Variants in ZNF16 observed in about 807,000 individuals in gnomAD.
ZNF16 encodes the protein zinc finger protein 16.
A neutral mutation model predicts 9.0 loss-of-function variants in ZNF16; 7 were observed. That is an observed-to-expected ratio of 0.78 (90% CI 0.44 to 1.47). ZNF16 has a LOEUF of 1.47. Among genes scored for constraint, ZNF16 ranks in the 40% most tolerant of loss-of-function variants. The pLI is 0.01. For missense variants in ZNF16, 830 were observed against 854.2 expected (o/e 0.97, Z 0.35); for synonymous variants, 312 against 301.5 (o/e 1.03, Z -0.36).
chr8:144,931,709 G>T lies in ZNF16; in HGVS notation c.1078C>A (p.Arg360=), dbSNP rs779402703. ...VCSECGKAFR[R]SSNLIKHHRT... The stretch of plus-strand genomic sequence containing the variant: ...TGGTGTTTGATGAGGTTTGAGCTTC[G>T]CCTGAAGGCCTTCCCACACTCACTG... Residue 360 remains arginine, a synonymous_variant, in exon 3 of 3, where the codon CGA becomes AGA. Coordinates refer to ENST00000394909, the MANE Select transcript of ZNF16 (RefSeq NM_006958.3). The T allele has an allele frequency of 3.0e-5, 48 of 1,613,866 alleles. 3 individuals carry two copies. The South Asian group carries it at 5.3e-4, about 18-fold the overall frequency.
intron 1 of ZNF16, among the ~76,000 whole-genome samples, chr8:144,947,174 C>G (rs1219141431): frequency 3.2e-5 from 4 of 124,444 alleles, no homozygotes; most frequent in African/African-American, 6.7e-5. Context: ...CTGCTGTGGG[C>G]CTGTGTCCTG....
rs1009090614 is a variant in ZNF16, at chr8:144,932,662, T to G, written c.197-72A>C. ...GAGCAGGAACATAGACAGTCACAGT[T>G]GCACCCACTAACTGTGGAGGAGGCA... On this transcript the variant is annotated intron_variant, in intron 2 of 2. Coordinates refer to ENST00000394909, the MANE Select transcript of ZNF16 (RefSeq NM_006958.3). This position sits in a 1 kb window ranked among gnomAD's most constrained non-coding sequence, Gnocchi z 5.0. The G allele has an allele frequency of 6.6e-7, 1 of 1,518,856 alleles. No homozygotes were observed. Among genetic ancestry groups the G allele is most frequent in the Non-Finnish European group, 8.9e-7 (1 of 1,119,746 alleles). 94.1% of individuals were successfully genotyped at this position (1,518,856 alleles called of 1,614,324 possible). A position where few individuals can be genotyped will look rare whatever the true frequency, so the allele number is the denominator to read the frequency against.
intron 2 of ZNF16, among the ~76,000 whole-genome samples, chr8:144,936,440 T>C (rs1272709210): frequency 6.6e-6 from 1 of 152,218 alleles, no homozygotes; most frequent in Admixed American, 6.5e-5. Flanking sequence ...GGAGTAGTAC[T>C]ATGTTCAAAC....
chr8:144,946,720 GCCCGTACCCTGCTGTGGGC>G (rs1833952354), intron 1 of ZNF16, among the ~76,000 whole-genome samples: 1 of 110,142 alleles, frequency 9.1e-6, no homozygotes, highest in African/African-American at 3.7e-5. Flanking sequence ...CTGCTGTGGG[GCCCGTACCCTGCTGTGGGC>G]CATACCCTTC....
intron 1 of ZNF16, among the ~76,000 whole-genome samples, chr8:144,950,139 G>A (rs1019806082): frequency 3.9e-5 from 6 of 152,028 alleles, no homozygotes; most frequent in Non-Finnish European, 7.3e-5. Context: ...TGCCCATCCA[G>A]GCATAGTACC....
At chr8:144,935,772 G>A (rs1255114490) in intron 2 of ZNF16, among the ~76,000 whole-genome samples, 7 of 152,174 alleles carry the variant, frequency 4.6e-5, no homozygotes, top group South Asian at 2.1e-4. Flanking sequence ...TGAATGCCAC[G>A]TGTGGCTGTG....
At chr8:144,949,661 T>C (rs1309212030) in intron 1 of ZNF16, among the ~76,000 whole-genome samples, 3 of 152,224 alleles carry the variant, frequency 2.0e-5, no homozygotes, top group Non-Finnish European at 4.4e-5. Context: ...GTGCAGGATG[T>C]GCCTTGTTAA....
At chr8:144,947,762 C>T (rs556911870) in intron 1 of ZNF16, among the ~76,000 whole-genome samples, 1 of 152,284 alleles carries the variant, frequency 6.6e-6, no homozygotes, top group East Asian at 1.9e-4. Context: ...CATCAACACC[C>T]TTGTTAAGAT....
intron 1 of ZNF16, among the ~76,000 whole-genome samples, chr8:144,947,419 T>C (rs889516245): frequency 2.6e-5 from 4 of 151,142 alleles, no homozygotes; most frequent in African/African-American, 9.9e-5. Flanking sequence ...GTGACCACTC[T>C]TCTCACTCCT....
chr8:144,941,304 T>A (rs909569734), intron 2 of ZNF16, among the ~76,000 whole-genome samples: 21 of 152,098 alleles, frequency 1.4e-4, no homozygotes, highest in African/African-American at 4.8e-4. Flanking sequence ...TGCCCTTTTA[T>A]AAATACATAC....
intron 2 of ZNF16, among the ~76,000 whole-genome samples, chr8:144,941,319 CTTAT>C (rs1436253210): frequency 6.6e-6 from 1 of 152,004 alleles, no homozygotes; most frequent in Non-Finnish European, 1.5e-5. Flanking sequence ...ACATACTGTC[CTTAT>C]TTGTCATCTA....
At chr8:144,938,578 G>C (rs1048682994) in intron 2 of ZNF16, among the ~76,000 whole-genome samples, 1 of 152,192 alleles carries the variant, frequency 6.6e-6, no homozygotes, top group Admixed American at 6.5e-5. Context: ...CTGGTATACA[G>C]AAACAACTGA....
rs1833506729 is a variant in ZNF16 at position 144,930,839 on chromosome 8, T to C, written c.1948A>G (p.Ile650Val). ...QRSVLIQHQR[I>V]HTGVKPYDCA... is the part of the protein sequence containing the mutation. ...TCATAGGGCTTCACCCCAGTGTGAA[T>C]CCTCTGGTGCTGGATGAGGACCGAA... The change falls in exon 3 of 3, where the codon ATT becomes GTT. Residue 650 changes from isoleucine (I) to valine (V), a missense_variant. Coordinates refer to ENST00000394909, the MANE Select transcript of ZNF16 (RefSeq NM_006958.3). The C allele has an allele frequency of 9.4e-6, 15 of 1,596,056 alleles. No individual in the cohort carries two copies. The highest frequency in any genetic ancestry group is 1.3e-5 in the Non-Finnish European group (15 of 1,170,994).
At chr8:144,950,412 A>AT (rs1430575383) in intron 1 of ZNF16, 1 of 152,148 alleles carries the variant, frequency 6.6e-6, no homozygotes, top group Non-Finnish European at 1.5e-5. Flanking sequence ...CTGATGAGAT[A>AT]TCCCACAGGT....
chr8:144,936,536 A>G (rs974203260), intron 2 of ZNF16, among the ~76,000 whole-genome samples: 1 of 152,170 alleles, frequency 6.6e-6, no homozygotes, highest in Non-Finnish European at 1.5e-5. Context: ...CAGTTTCTCC[A>G]CATCCTCTTT....
rs1247342490 is a variant in ZNF16, at chr8:144,931,644, C to T, written c.1143G>A (p.Glu381=). 6.2e-7 allele frequency: 1 copy of T among 1,613,406 alleles called. No homozygotes were observed. Among genetic ancestry groups the T allele is most frequent in the East Asian group, 2.2e-5 (1 of 44,822 alleles). The part of the protein sequence containing the change: ...HTGEKPFECG[E]CGKAFSQSAH... ...CACTCTGGCTGAAGGCTTTCCCACA[C>T]TCGCCACACTCAAAAGGCTTCTCTC... The change falls in exon 3 of 3, where the codon GAG becomes GAA. Residue 381 remains glutamate (E), a synonymous_variant. Transcript: ENST00000394909.
chr8:144,934,470 G>A (rs1833634592), intron 2 of ZNF16, among the ~76,000 whole-genome samples: 1 of 152,248 alleles, frequency 6.6e-6, no homozygotes, highest in South Asian at 2.1e-4. Flanking sequence ...TGTCCCCCAT[G>A]AGCTTCAGCT....
At chr8:144,939,736 G>A (rs961035234) in intron 2 of ZNF16, among the ~76,000 whole-genome samples, 1 of 151,552 alleles carries the variant, frequency 6.6e-6, no homozygotes, top group African/African-American at 2.4e-5. Flanking sequence ...GAATTTGTGT[G>A]TTTCTATTGA....
At chr8:144,949,921 G>A (rs1394242891) in intron 1 of ZNF16, among the ~76,000 whole-genome samples, 1 of 152,174 alleles carries the variant, frequency 6.6e-6, no homozygotes, top group Non-Finnish European at 1.5e-5. Context: ...AAAGCCTCTT[G>A]CAGTTGAGAT....
Sources: gnomAD v4.1 joint callset for allele counts (sites outside exome capture counted in the v4.1 genomes callset) on GRCh38, gnomAD v4.1.1 for gene constraint, Gnocchi (gnomAD v3.1) non-coding constraint, MANE v1.5 for transcripts, NCBI Gene and HGNC (gene_info 2026-07-23, HGNC 2026-07-21) for gene names.